TOMM20L: variants seen among roughly 807,000 people sequenced by gnomAD.
TOMM20L encodes translocase of outer mitochondrial membrane 20 like, also known as TOMM20-like protein 1.
TOMM20L carries 19 observed loss-of-function variants against 20.4 expected under a neutral mutation model. The observed-to-expected ratio is 0.93, with a 90% CI of 0.65 to 1.36. TOMM20L has a LOEUF of 1.36. Among genes scored for constraint, TOMM20L ranks in the 40% most tolerant of loss-of-function variants. The pLI is 0.00. For synonymous variants in TOMM20L, 75 were observed against 79.6 expected (o/e 0.94, Z 0.30); for missense variants, 218 against 203.7 (o/e 1.07, Z -0.43).
rs2035919641 is a variant in TOMM20L at position 58,396,354 on chromosome 14, C to T, written c.180+13C>T. 3 of 1,613,094 alleles carry T rather than the reference C, an allele frequency of 1.9e-6. No homozygotes were observed. Among genetic ancestry groups the T allele is most frequent in the Non-Finnish European group, 2.5e-6 (3 of 1,179,702 alleles). On this transcript the variant is annotated intron_variant, in intron 2 of 4. Coordinates refer to ENST00000360945, the MANE Select transcript of TOMM20L (RefSeq NM_207377.3). ...GCAGGGCACGCAGGTGCAGTGCTTT[C>T]GATCCGCACAGGTAGCTCAGTAGAC... is the stretch of plus-strand genomic sequence containing the variant.
rs540342313 is a variant in TOMM20L, at chr14:58,405,214, C to T, written c.263-2112C>T. 1.2e-4 allele frequency among the ~76,000 whole-genome samples: 18 copies of T among 152,176 alleles called. 1 individual carries two copies. In the South Asian group the frequency reaches 3.1e-3, roughly 26 times the overall value. On this transcript the variant is annotated intron_variant, in intron 3 of 4. Transcript: ENST00000360945. ...AACTCCTGGCCTCAAGTGATCCACCCGCCTTGGCCTCCCAAAGTGCTGGGA... is the reference window on the plus strand; with the variant it reads ...AACTCCTGGCCTCAAGTGATCCACCTGCCTTGGCCTCCCAAAGTGCTGGGA...
intron 3 of TOMM20L, 24 bp downstream of exon 3, chr14:58,402,785 T>G (rs376730029): frequency 1.3e-5 from 19 of 1,515,700 alleles, no homozygotes; most frequent in Non-Finnish European, 1.7e-5. Context: ...TGTTCTTTTG[T>G]GAGTTATGAC....
intron 3 of TOMM20L, among the ~76,000 whole-genome samples, chr14:58,407,090 T>G (rs1453916155): frequency 6.6e-6 from 1 of 152,218 alleles, no homozygotes; most frequent in Non-Finnish European, 1.5e-5. Flanking sequence ...AAGAGTATAC[T>G]TCTAAACAGT....
In TOMM20L at chr14:58,406,115, A is replaced by C. The variant is rs765402191; in HGVS notation, c.263-1211A>C. ...CGTCATTTTCTGTCAGGTAAAATAC[A>C]GTTCTGTAGCCATCTCAACGGTGGC... is the stretch of plus-strand genomic sequence containing the variant. On this transcript the variant is annotated intron_variant, in intron 3 of 4. Transcript: ENST00000360945. 1.3e-4 allele frequency among the ~76,000 whole-genome samples: 20 copies of C among 152,320 alleles called. No individual in the cohort carries two copies. The South Asian group carries it at 1.4e-3, about 11-fold the overall frequency.
chr14:58,397,896 A>T (rs886898758), intron 2 of TOMM20L, among the ~76,000 whole-genome samples: 1 of 152,166 alleles, frequency 6.6e-6, no homozygotes, highest in East Asian at 1.9e-4. Flanking sequence ...AAAACAAGCT[A>T]TTGCAGCAAT....
chr14:58,399,713 G>A (rs1416596905), intron 2 of TOMM20L, among the ~76,000 whole-genome samples: 1 of 151,244 alleles, frequency 6.6e-6, no homozygotes, highest in Non-Finnish European at 1.5e-5. Context: ...ACCTTAGTGT[G>A]TCCCGAAGTA....
At chr14:58,397,278 G>A (rs1280814287) in intron 2 of TOMM20L, among the ~76,000 whole-genome samples, 1 of 150,420 alleles carries the variant, frequency 6.6e-6, no homozygotes, top group Non-Finnish European at 1.5e-5. Flanking sequence ...GTATATATAT[G>A]TGTGTGTGTG....
chr14:58,403,824 C>T (rs532276089), intron 3 of TOMM20L, among the ~76,000 whole-genome samples: 1 of 151,342 alleles, frequency 6.6e-6, no homozygotes, highest in African/African-American at 2.4e-5. Flanking sequence ...GGCGACAGAG[C>T]GAGACTCCGG....
chr14:58,408,996 G>C (rs763526438), downstream of TOMM20L: 4 of 1,591,678 alleles, frequency 2.5e-6, no homozygotes, highest in East Asian at 9.0e-5. Flanking sequence ...AGCAGCTGTT[G>C]GCAATCTTTC....
intron 3 of TOMM20L, among the ~76,000 whole-genome samples, chr14:58,404,099 G>GTGTGTATGTATATATATATA (rs1408980666): frequency 4.4e-5 from 1 of 22,928 alleles, no homozygotes; most frequent in Non-Finnish European, 8.3e-5. Flanking sequence ...ACATATATAT[G>GTGTGTATGTATATATATATA]TATATATATA....
At chr14:58,397,698 G>C (rs1307126213) in intron 2 of TOMM20L, among the ~76,000 whole-genome samples, 1 of 152,204 alleles carries the variant, frequency 6.6e-6, no homozygotes, top group African/African-American at 2.4e-5. Context: ...TGGGTGGTAA[G>C]GTTGGAGAGC....
intron 2 of TOMM20L, among the ~76,000 whole-genome samples, 182 bp downstream of exon 2, chr14:58,396,523 G>C (rs529012080): frequency 2.0e-5 from 3 of 152,254 alleles, no homozygotes; most frequent in African/African-American, 7.2e-5. Context: ...TCTCACAAAA[G>C]GGAGGGAAGG....
downstream of TOMM20L, among the ~76,000 whole-genome samples, chr14:58,410,403 G>C (rs1260626972): frequency 2.6e-5 from 4 of 151,072 alleles, no homozygotes; most frequent in Non-Finnish European, 5.9e-5. Context: ...GGGTAACAGA[G>C]CGAGACCCTG....
intron 2 of TOMM20L, among the ~76,000 whole-genome samples, chr14:58,397,425 A>C (rs1413280422): frequency 6.6e-6 from 1 of 152,222 alleles, no homozygotes; most frequent in Non-Finnish European, 1.5e-5. Flanking sequence ...TCTACCTCTC[A>C]ACAGGGATGG....
At chr14:58,403,605 G>A (rs962642554) in intron 3 of TOMM20L, among the ~76,000 whole-genome samples, 4 of 152,042 alleles carry the variant, frequency 2.6e-5, no homozygotes, top group Non-Finnish European at 5.9e-5. Flanking sequence ...TTGGGAGGCC[G>A]AGGTGGGCGG....
At chr14:58,396,435 T>A in intron 2 of TOMM20L, 94 bp downstream of exon 2, 1 of 1,408,684 alleles carries the variant, frequency 7.1e-7, no homozygotes, top group South Asian at 1.2e-5. Context: ...AGCAGGTAGT[T>A]AGTTCCCTCA....
At chr14:58,397,343 A>C (rs1352319627) in intron 2 of TOMM20L, among the ~76,000 whole-genome samples, 1 of 152,198 alleles carries the variant, frequency 6.6e-6, no homozygotes, top group Non-Finnish European at 1.5e-5. Flanking sequence ...ACATGTGCCC[A>C]TGTGGAAGAG....
chr14:58,416,002 G>A, the TOMM20L span, among the ~76,000 whole-genome samples: 1 of 151,640 alleles, frequency 6.6e-6, no homozygotes, highest in South Asian at 2.1e-4. Flanking sequence ...GGTCGATTGA[G>A]GTCAGGAGTT....
chr14:58,408,688 T>C lies in TOMM20L; in HGVS notation c.*106T>C. 8.7e-7 allele frequency: 1 copy of C among 1,143,858 alleles called. No individual in the cohort carries two copies. The highest frequency in any genetic ancestry group is 1.2e-6 in the Non-Finnish European group (1 of 811,328). The allele number at this position is 1,143,858 out of a possible 1,614,324, so 70.9% of individuals were successfully genotyped here. On this transcript the variant is annotated 3_prime_UTR_variant, in exon 5 of 5. Coordinates refer to ENST00000360945, the MANE Select transcript of TOMM20L (RefSeq NM_207377.3). The stretch of plus-strand genomic sequence containing the variant: ...TTTATTTTACTTTGAGTAATAAAAA[T>C]TTTTCTATCTCATACATGATCGAAC...
Sources: gnomAD v4.1 joint callset for allele counts (sites outside exome capture counted in the v4.1 genomes callset) on GRCh38, gnomAD v4.1.1 for gene constraint, MANE v1.5 for transcripts, NCBI Gene and HGNC (gene_info 2026-07-23, HGNC 2026-07-21) for gene names.